AP4S1: variants seen among roughly 807,000 people sequenced by gnomAD.
AP4S1 encodes the protein AP-4 complex subunit sigma-1.
A neutral mutation model predicts 19.8 loss-of-function variants in AP4S1; 23 were observed. The ratio of observed to expected loss-of-function variants is 1.16; its 90% CI spans 0.84 to 1.65. AP4S1 has a LOEUF of 1.65. AP4S1 is among the 40% of genes most tolerant of loss of function. The pLI, the probability that AP4S1 is intolerant of heterozygous loss-of-function variation, is 0.00. For synonymous variants in AP4S1, 46 were observed against 54.1 expected (o/e 0.85, Z 0.66); for missense variants, 166 against 172.8 (o/e 0.96, Z 0.22).
chr14:31,079,335 A>G (rs1215107055), intron 4 of AP4S1, among the ~76,000 whole-genome samples: 2 of 152,144 alleles, frequency 1.3e-5, no homozygotes, highest in African/African-American at 2.4e-5. Flanking sequence ...AACCCATGGA[A>G]TGTACAACAG....
chr14:31,058,525 G>A (rs1419617221), intron 1 of AP4S1, among the ~76,000 whole-genome samples: 1 of 74,522 alleles, frequency 1.3e-5, no homozygotes, highest in Non-Finnish European at 2.8e-5. Context: ...CTCTGTGTGT[G>A]TATGTGTGTG....
At chr14:31,083,496 C>T (rs1402566406) in intron 5 of AP4S1, 604 of 254,988 alleles carry the variant, frequency 2.4e-3, no homozygotes, top group South Asian at 2.7e-3. Context: ...TGTTGACACT[C>T]TTTTTTTTTT....
At chr14:31,092,451 G>A (rs1005790015) in intron 5 of AP4S1, among the ~76,000 whole-genome samples, 2 of 152,174 alleles carry the variant, frequency 1.3e-5, no homozygotes, top group African/African-American at 4.8e-5. Context: ...TGGGTAAACT[G>A]AGGATAATAT....
At chr14:31,077,017 C>T (rs764518509) in intron 4 of AP4S1, among the ~76,000 whole-genome samples, 1 of 152,080 alleles carries the variant, frequency 6.6e-6, no homozygotes, top group African/African-American at 2.4e-5. Flanking sequence ...CTGCAACCTC[C>T]GTCCCGGGTT....
intron 4 of AP4S1, among the ~76,000 whole-genome samples, chr14:31,073,385 G>A (rs1303651131): frequency 1.5e-5 from 2 of 134,320 alleles, no homozygotes; most frequent in Admixed American, 7.8e-5. Flanking sequence ...AGCTACTCCG[G>A]AGGCTGAGGC....
At position 31,072,869 on chromosome 14, in the gene AP4S1, A is replaced by G. The variant is rs775626546; in HGVS notation, c.226-36A>G. On this transcript the variant is annotated intron_variant, in intron 3 of 5. Coordinates refer to ENST00000542754, the MANE Select transcript of AP4S1 (RefSeq NM_001128126.3). The stretch of plus-strand genomic sequence containing the variant: ...ATGTCTGGTTTACATGGGAAGCGAC[A>G]CTAAAATTGATTGTACCTTTCTTCT... 11 of 1,559,992 alleles carry G rather than the reference A, an allele frequency of 7.1e-6. No individual in the cohort carries two copies. The East Asian group carries it at 1.8e-4, about 25-fold the overall frequency.
intron 1 of AP4S1, among the ~76,000 whole-genome samples, chr14:31,030,177 G>A (rs1884305767): frequency 6.6e-6 from 1 of 152,010 alleles, no homozygotes; most frequent in African/African-American, 2.4e-5. Context: ...TTGTAGAGAT[G>A]GGTTTTCGCC....
rs781612065 is a variant in AP4S1, at chr14:31,093,083, C to T, written c.*48C>T. ...ATGGATTTATCAGAAATGCGAGTAC[C>T]GTGGAATACATCTCAACATGTTAAC... On this transcript the variant is annotated 3_prime_UTR_variant, in exon 6 of 6. Coordinates refer to ENST00000542754, the MANE Select transcript of AP4S1 (RefSeq NM_001128126.3). 40 of 1,525,928 alleles carry T rather than the reference C, an allele frequency of 2.6e-5. No homozygotes were observed. In the Admixed American group the frequency reaches 5.6e-4, roughly 21 times the overall value. 94.5% of individuals were successfully genotyped at this position (1,525,928 alleles called of 1,614,324 possible).
intron 5 of AP4S1, among the ~76,000 whole-genome samples, chr14:31,082,870 TG>T (rs1188777904): frequency 4.1e-5 from 6 of 146,978 alleles, no homozygotes; most frequent in Non-Finnish European, 7.4e-5. Flanking sequence ...CACTCCAGCC[TG>T]GGCGACAGAG....
intron 1 of AP4S1, chr14:31,026,048 G>A: frequency 6.5e-7 from 1 of 1,530,484 alleles, no homozygotes; most frequent in South Asian, 1.2e-5. Context: ...CCGCTCCCTC[G>A]GAGGCCGGAG....
chr14:31,089,980 T>C (rs1378667456), intron 5 of AP4S1, among the ~76,000 whole-genome samples: 1 of 152,182 alleles, frequency 6.6e-6, no homozygotes, highest in Admixed American at 6.5e-5. Flanking sequence ...TTATTTTTAT[T>C]TTCATTTTTA....
chr14:31,080,545 AC>A (rs772090464), intron 4 of AP4S1, 27 bp from the exon 5 acceptor site: 1 of 1,585,652 alleles, frequency 6.3e-7, no homozygotes, highest in African/African-American at 1.3e-5. Context: ...CTTTTTTCTA[AC>A]CCTTGCACTC....
intron 5 of AP4S1, chr14:31,084,686 C>G: frequency 6.3e-7 from 1 of 1,594,266 alleles, no homozygotes; most frequent in Non-Finnish European, 8.6e-7. Flanking sequence ...AAGCCTGTTT[C>G]TACAGGGAGA....
rs895190946 is a variant in AP4S1 at position 31,040,115 on chromosome 14, A to G, written c.-72+14328A>G. ...TAGTCTACCAGTCAACTTGTCAGAGATATAGTTTGTGTAAAGTCAAATTAC... is the reference window on the plus strand; with the variant it reads ...TAGTCTACCAGTCAACTTGTCAGAGGTATAGTTTGTGTAAAGTCAAATTAC... On this transcript the variant is annotated intron_variant, in intron 1 of 5. Coordinates refer to ENST00000542754, the MANE Select transcript of AP4S1 (RefSeq NM_001128126.3). Among the ~76,000 whole-genome samples, 4 of 150,000 alleles carry G rather than the reference A, an allele frequency of 2.7e-5. No individual in the cohort carries two copies. In the South Asian group the frequency reaches 6.3e-4, roughly 24 times the overall value.
chr14:31,081,106 A>AT (rs960629842), intron 5 of AP4S1, among the ~76,000 whole-genome samples: 39 of 150,352 alleles, frequency 2.6e-4, no homozygotes, highest in East Asian at 3.9e-4. Flanking sequence ...GATTCTTAAG[A>AT]TTTTTTTTTT....
At chr14:31,032,639 TCAGCCTCCCAAG>T (rs752123124) in intron 1 of AP4S1, among the ~76,000 whole-genome samples, 82 of 151,902 alleles carry the variant, frequency 5.4e-4, no homozygotes, top group Non-Finnish European at 9.0e-4. Context: ...TTCTCCTGCC[TCAGCCTCCCAAG>T]CAGCCTCCCA....
At chr14:31,092,051 A>G (rs551148383) in intron 5 of AP4S1, among the ~76,000 whole-genome samples, 128 of 152,308 alleles carry the variant, frequency 8.4e-4, no homozygotes, top group Middle Eastern at 3.4e-3. Context: ...TCATAGTCTA[A>G]CAATATTTTC....
intron 4 of AP4S1, among the ~76,000 whole-genome samples, chr14:31,075,661 C>CCAT (rs1887313568): frequency 6.6e-6 from 1 of 152,044 alleles, no homozygotes. Flanking sequence ...TTTTCAAGAT[C>CCAT]CATCCATGTT....
chr14:31,029,625 C>A (rs1884264814), intron 1 of AP4S1, among the ~76,000 whole-genome samples: 1 of 152,154 alleles, frequency 6.6e-6, no homozygotes, highest in African/African-American at 2.4e-5. Context: ...CGAGACCAAC[C>A]TGGGCAACAT....
Sources: gnomAD v4.1 joint callset for allele counts (sites outside exome capture counted in the v4.1 genomes callset) on GRCh38, gnomAD v4.1.1 for gene constraint, MANE v1.5 for transcripts, NCBI Gene and HGNC (gene_info 2026-07-23, HGNC 2026-07-21) for gene names.